The following ZNF420 variants were observed in gnomAD, a reference collection of about 807,000 sequenced individuals.
The protein encoded by ZNF420 is zinc finger protein 420.
A neutral mutation model predicts 44.7 loss-of-function variants in ZNF420; 31 were observed. That is an observed-to-expected ratio of 0.69 (90% CI 0.52 to 0.94). The LOEUF (loss-of-function observed/expected upper bound fraction) is 0.94, where lower values mean the gene tolerates loss of function less well. ZNF420 is among the 40% of genes least tolerant of loss of function. The probability of loss-of-function intolerance (pLI) is 0.00; values close to 1 mark genes in which losing one functional copy is unlikely to be tolerated. For synonymous variants in ZNF420, 245 were observed against 267.4 expected, an observed-to-expected ratio of 0.92 and a Z score of 0.82; for missense variants, 681 against 827.9, an observed-to-expected ratio of 0.82 and a Z score of 2.18.
intron 3 of ZNF420, among the ~76,000 whole-genome samples, chr19:37,089,722 C>T (rs190657270): frequency 4.6e-5 from 7 of 152,202 alleles, no homozygotes; most frequent in East Asian, 1.9e-4. Flanking sequence ...GTTACATTTA[C>T]GGATGAATGG....
At chr19:37,021,360 T>C (rs137929006) in intron 1 of ZNF420, among the ~76,000 whole-genome samples, 2,825 of 152,286 alleles carry the variant, frequency 0.019, 90 homozygotes, top group African/African-American at 0.063. Context: ...TTCTGCCTCC[T>C]GGGCTCAAGT....
intron 1 of ZNF420, among the ~76,000 whole-genome samples, chr19:37,028,350 TCTAC>T (rs1967190624): frequency 6.6e-6 from 1 of 152,228 alleles, no homozygotes. Context: ...TAAAATGTGG[TCTAC>T]CTGAGTTTTG....
At chr19:37,011,482 GGGA>G (rs2074568504) in intron 1 of ZNF420, among the ~76,000 whole-genome samples, 1 of 152,204 alleles carries the variant, frequency 6.6e-6, no homozygotes, top group Non-Finnish European at 1.5e-5. Flanking sequence ...ATGAATGTCA[GGGA>G]GCCAAAGGGA....
chr19:37,059,752 C>T (rs1007020927), intron 1 of ZNF420, among the ~76,000 whole-genome samples: 1 of 152,094 alleles, frequency 6.6e-6, no homozygotes, highest in Middle Eastern at 3.2e-3. Context: ...CAGGGGTTGC[C>T]TGGCATTTCT....
At chr19:37,017,462 T>C (rs962832189) in intron 1 of ZNF420, among the ~76,000 whole-genome samples, 1 of 152,186 alleles carries the variant, frequency 6.6e-6, no homozygotes, top group Non-Finnish European at 1.5e-5. Context: ...TAACCAGGGT[T>C]ATACACCATG....
At chr19:37,099,055 C>T (rs973246221) in intron 4 of ZNF420, among the ~76,000 whole-genome samples, 2 of 152,062 alleles carry the variant, frequency 1.3e-5, no homozygotes, top group African/African-American at 4.8e-5. Flanking sequence ...TGCATATATA[C>T]CACATTTTTG....
chr19:37,089,180 G>A (rs1968996262), intron 3 of ZNF420, 53 bp downstream of exon 3: 3 of 1,525,638 alleles, frequency 2.0e-6, no homozygotes, highest in Non-Finnish European at 2.7e-6. Context: ...CAGAGCATGT[G>A]TGTGTTTGTA....
chr19:37,066,440 A>AAC (rs1967968409), intron 1 of ZNF420, among the ~76,000 whole-genome samples: 1 of 152,042 alleles, frequency 6.6e-6, no homozygotes, highest in Non-Finnish European at 1.5e-5. Context: ...GTCTCAAAAA[A>AAC]AAAAAGAACT....
At position 37,128,459 on chromosome 19, in the gene ZNF420, C is replaced by T; in HGVS notation, c.1468C>T (p.Leu490Phe). ...CGKSFIRGSQ[L>F]TQHQRIHTGE... The stretch of plus-strand genomic sequence containing the variant: ...GAAATCTTTTATTCGTGGTTCCCAG[C>T]TTACTCAACATCAGAGAATCCATAC... Residue 490 changes from leucine (L) to phenylalanine (F), a missense_variant, in exon 5 of 5, where the codon CTT becomes TTT. Physicochemically the swap from Leu to Phe is conservative, Grantham distance 22 (BLOSUM62 0). This residue lies in a region of ZNF420 where 280 missense variants were observed against 338.6 expected (regional missense o/e 0.83). Transcript: ENST00000337995. The T allele has an allele frequency of 1.2e-6, 2 of 1,614,046 alleles. No homozygotes were observed. Among genetic ancestry groups the T allele is most frequent in the Non-Finnish European group, 1.7e-6 (2 of 1,179,972 alleles).
intron 1 of ZNF420, among the ~76,000 whole-genome samples, chr19:37,055,894 G>C (rs1967742094): frequency 6.6e-6 from 1 of 152,154 alleles, no homozygotes; most frequent in Non-Finnish European, 1.5e-5. Context: ...CTCCCCAAAA[G>C]TCGTGCCCCA....
At chr19:37,027,272 T>A (rs548700413) in intron 1 of ZNF420, among the ~76,000 whole-genome samples, 254 of 152,278 alleles carry the variant, frequency 1.7e-3, no homozygotes, top group Non-Finnish European at 2.8e-3. Context: ...AATAAATAAT[T>A]GACTTAATTT....
intron 1 of ZNF420, among the ~76,000 whole-genome samples, chr19:37,022,892 C>T (rs1431878174): frequency 6.6e-6 from 1 of 152,168 alleles, no homozygotes; most frequent in Admixed American, 6.5e-5. Flanking sequence ...AATCCCAGCA[C>T]TTTGGGAGGC....
At chr19:37,048,252 T>A (rs530014692) in intron 1 of ZNF420, among the ~76,000 whole-genome samples, 6 of 152,348 alleles carry the variant, frequency 3.9e-5, no homozygotes, top group Admixed American at 2.6e-4. Context: ...ATTTTCTGCA[T>A]TACTTAGAAG....
At chr19:37,066,902 C>T (rs577741129) in intron 1 of ZNF420, among the ~76,000 whole-genome samples, 276 of 152,160 alleles carry the variant, frequency 1.8e-3, no homozygotes, top group African/African-American at 6.3e-3. Flanking sequence ...AAAAGTTCAA[C>T]AAGAATATGA....
intron 1 of ZNF420, among the ~76,000 whole-genome samples, chr19:37,014,192 C>T (rs1332397495): frequency 6.6e-6 from 1 of 152,110 alleles, no homozygotes; most frequent in Non-Finnish European, 1.5e-5. Context: ...GAAAATCGTT[C>T]CTGCCTTTTT....
At chr19:37,053,527 G>T (rs145061789) in intron 1 of ZNF420, among the ~76,000 whole-genome samples, 1 of 152,138 alleles carries the variant, frequency 6.6e-6, no homozygotes, top group Non-Finnish European at 1.5e-5. Flanking sequence ...GTGACATACC[G>T]ATGGGGTTTT....
At chr19:37,114,301 G>A (rs1970540717) in intron 4 of ZNF420, among the ~76,000 whole-genome samples, 1 of 152,002 alleles carries the variant, frequency 6.6e-6, no homozygotes, top group South Asian at 2.1e-4. Flanking sequence ...CTGATTTTCT[G>A]GGGGCGGCTG....
chr19:37,101,355 C>T (rs553809838), intron 4 of ZNF420, among the ~76,000 whole-genome samples: 149 of 152,170 alleles, frequency 9.8e-4, no homozygotes, highest in African/African-American at 3.5e-3. Flanking sequence ...ATTAGCTGGC[C>T]ATGGTGGTGT....
intron 4 of ZNF420, among the ~76,000 whole-genome samples, chr19:37,125,121 A>T (rs2145333795): frequency 6.6e-6 from 1 of 152,314 alleles, no homozygotes; most frequent in Non-Finnish European, 1.5e-5. Flanking sequence ...TACAGGCATG[A>T]GCCACTGCGC....
Sources: allele counts gnomAD v4.1 joint callset (sites outside exome capture counted in the v4.1 genomes callset), GRCh38; gene constraint gnomAD v4.1.1; regional missense constraint gnomAD v4.1.1; transcripts MANE v1.5; gene names NCBI Gene and HGNC (gene_info 2026-07-23, HGNC 2026-07-21).